The following ZNF418 variants were observed in gnomAD, a reference collection of about 807,000 sequenced individuals.
The protein encoded by ZNF418 is zinc finger protein 418.
In ZNF418, 32 loss-of-function variants were observed where a neutral mutation model predicts 32.0. The ratio of observed to expected loss-of-function variants is 1.00; its 90% CI spans 0.75 to 1.34. ZNF418 has a LOEUF of 1.34. Ranked by LOEUF, ZNF418 falls within the 40% of genes most tolerant of loss-of-function variation. ZNF418 has a pLI of 0.00. For synonymous variants in ZNF418, 276 were observed against 270.7 expected (o/e 1.02, Z -0.19); for missense variants, 804 against 812.5 (o/e 0.99, Z 0.13).
chr19:57,925,193 GC>G (rs2072159901), intron 4 of ZNF418, among the ~76,000 whole-genome samples: 1 of 152,176 alleles, frequency 6.6e-6, no homozygotes, highest in Admixed American at 6.5e-5. Context: ...GGGTGCGGTG[GC>G]TCACGCCTGT....
intron 2 of ZNF418, among the ~76,000 whole-genome samples, chr19:57,933,468 A>G (rs141514417): frequency 3.1e-3 from 465 of 152,330 alleles, no homozygotes; most frequent in African/African-American, 0.011. Context: ...CATGCCTGTA[A>G]TCCCAGCACT....
chr19:57,930,406 G>A (rs1281791117), intron 3 of ZNF418, 22 bp downstream of exon 3: 2 of 1,613,934 alleles, frequency 1.2e-6, no homozygotes, highest in Non-Finnish European at 8.5e-7. Context: ...TCAGGAAATA[G>A]GGTAGGGTGT....
chr19:57,931,360 C>G (rs1269242839), intron 2 of ZNF418, among the ~76,000 whole-genome samples: 1 of 152,050 alleles, frequency 6.6e-6, no homozygotes, highest in Non-Finnish European at 1.5e-5. Context: ...CACCACCACA[C>G]CTGGCTAATT....
chr19:57,922,953 T>A (rs1244970422), intron 5 of ZNF418, among the ~76,000 whole-genome samples: 1 of 148,930 alleles, frequency 6.7e-6, no homozygotes, highest in Non-Finnish European at 1.5e-5. Context: ...TGAATTGTGA[T>A]TGTGTCACTG....
chr19:57,933,620 T>C (rs1600187084), intron 2 of ZNF418, among the ~76,000 whole-genome samples, 197 bp downstream of exon 2: 1 of 151,896 alleles, frequency 6.6e-6, no homozygotes, highest in African/African-American at 2.4e-5. Flanking sequence ...ACTCGGGAGG[T>C]TGAGGCAGGA....
At position 57,930,439 on chromosome 19, in the gene ZNF418, A is replaced by AT. The variant is rs758537274; in HGVS notation, c.121dup (p.Ile41AsnfsTer13). 1 of 1,614,120 alleles carries AT rather than the reference A, an allele frequency of 6.2e-7. No individual in the cohort carries two copies. The highest frequency in any genetic ancestry group is 8.5e-7 in the Non-Finnish European group (1 of 1,180,004). On this transcript the variant is annotated frameshift_variant, in exon 3 of 6. Transcript: ENST00000396147. LOFTEE classifies it high-confidence loss of function. Reference sequence around the variant, plus strand: ...TGTGAGGAACTTACCCAGGGAGGATATAAGTACCCAGTTCTCCAGCATCAC... The same window carrying AT: ...TGTGAGGAACTTACCCAGGGAGGATATTAAGTACCCAGTTCTCCAGCATCAC...
chr19:57,926,605 GGAGGGAACAGCTTT>G lies in ZNF418; in HGVS notation c.1562_1575del (p.Gln521ProfsTer14), dbSNP rs1443790440. On this transcript the variant is annotated frameshift_variant, in exon 4 of 6. Transcript: ENST00000396147. LOFTEE classifies it low-confidence loss of function (END_TRUNC). ...CCAGTATGAACTCTCCGATGTCGAA[GGAGGGAACAGCTTT>G]GAGGAAATGACTTCCCACATTCACT... is the stretch of plus-strand genomic sequence containing the variant. 8 of 1,613,644 alleles carry G rather than the reference GGAGGGAACAGCTTT, an allele frequency of 5.0e-6. No homozygotes were observed. Among genetic ancestry groups the G allele is most frequent in the Non-Finnish European group, 6.8e-6 (8 of 1,179,904 alleles).
chr19:57,926,235 C>T lies in ZNF418; in HGVS notation c.1946G>A (p.Cys649Tyr), dbSNP rs770460682. The T allele has an allele frequency of 3.7e-6, 6 of 1,614,182 alleles. No individual in the cohort carries two copies. Among genetic ancestry groups the T allele is most frequent in the Non-Finnish European group, 4.2e-6 (5 of 1,180,008 alleles). Residue 649 changes from cysteine (C) to tyrosine (Y), a missense_variant, in exon 4 of 6, where the codon TGC becomes TAC. By Grantham distance (194) the Cys-to-Tyr change is radical. Around this residue, in one of 3 missense-constraint regions of ZNF418, gnomAD observed 475 missense variants for 458.6 expected, o/e 1.04. Coordinates refer to ENST00000396147, the MANE Select transcript of ZNF418 (RefSeq NM_133460.3). ...ATGAAATGATTTTCCACATTCACTG[C>T]ACTCATAAGGCCTTTCTCCAGTGTG... Reference protein sequence around the residue: ...RVHTGERPYECSECGKSFHRS... With the variant: ...RVHTGERPYEYSECGKSFHRS...
chr19:57,934,307 C>T (rs552005746), intron 1 of ZNF418: 14 of 739,036 alleles, frequency 1.9e-5, no homozygotes, highest in African/African-American at 7.6e-5. Context: ...CTCTGCCTCC[C>T]GAGTTCAAGC....
At chr19:57,934,667 G>A (rs976803994) in intron 1 of ZNF418, 1 of 178,474 alleles carries the variant, frequency 5.6e-6, no homozygotes, top group Admixed American at 6.2e-5. Context: ...GCGTGTCTCA[G>A]TGCAAAATGT....
chr19:57,932,719 T>C, intron 2 of ZNF418: 1 of 1,079,636 alleles, frequency 9.3e-7, no homozygotes, highest in East Asian at 3.2e-5. Context: ...CCAGGCCCAA[T>C]GTCTGTCACA....
At position 57,926,467 on chromosome 19, in the gene ZNF418, C is replaced by T. The variant is rs1337898590; in HGVS notation, c.1714G>A (p.Gly572Arg). The T allele has an allele frequency of 1.2e-6, 2 of 1,611,966 alleles. No individual in the cohort carries two copies. The highest frequency in any genetic ancestry group is 1.3e-5 in the African/African-American group (1 of 74,216). The change falls in exon 4 of 6, where the codon GGG (glycine) becomes AGG (arginine). Residue 572 changes from glycine (G) to arginine (R), a missense_variant. Around this residue, in one of 3 missense-constraint regions of ZNF418, gnomAD observed 475 missense variants for 458.6 expected, o/e 1.04. Transcript: ENST00000396147. ...AERPYECREC[G>R]KFFSSLLEHR... Reference sequence around the variant, plus strand: ...TCAAGGAGACTGGAGAAGAATTTCCCACATTCTCTGCACTCATAAGGTCTT... The same window carrying T: ...TCAAGGAGACTGGAGAAGAATTTCCTACATTCTCTGCACTCATAAGGTCTT...
intron 2 of ZNF418, chr19:57,932,791 C>T: frequency 6.9e-6 from 3 of 436,582 alleles, no homozygotes; most frequent in Admixed American, 8.4e-5. Flanking sequence ...CAAGCACCAA[C>T]AAAGTTTTCT....
At chr19:57,930,985 C>G (rs2072461814) in intron 2 of ZNF418, among the ~76,000 whole-genome samples, 1 of 150,982 alleles carries the variant, frequency 6.6e-6, no homozygotes, top group Non-Finnish European at 1.5e-5. Flanking sequence ...CCATCTTGGC[C>G]AGGCTGGTCT....
At position 57,930,567 on chromosome 19, in the gene ZNF418, T is replaced by C. The variant is rs138951293; in HGVS notation, c.7-13A>G. 7.6e-5 allele frequency: 123 copies of C among 1,613,752 alleles called. No individual in the cohort carries two copies. In the African/African-American group the frequency reaches 1.4e-3, roughly 19 times the overall value. On this transcript the variant is annotated splice_polypyrimidine_tract_variant and intron_variant, in intron 2 of 5. Transcript: ENST00000396147. ...ATGCCACAGTGCCCTGCTATGATGGTGACAGATGAAACCACAAACAGCTCC... is the reference window on the plus strand; with the variant it reads ...ATGCCACAGTGCCCTGCTATGATGGCGACAGATGAAACCACAAACAGCTCC...
In ZNF418 at chr19:57,926,595, C is replaced by T. The variant is rs200332982; in HGVS notation, c.1586G>A (p.Arg529Gln). 44 of 1,613,308 alleles carry T rather than the reference C, an allele frequency of 2.7e-5. No homozygotes were observed. In the African/African-American group the frequency reaches 3.5e-4, roughly 13 times the overall value. Residue 529 changes from arginine to glutamine, a missense_variant, in exon 4 of 6, where the codon CGG becomes CAG. By Grantham distance (43) the Arg-to-Gln change is conservative. Coordinates refer to ENST00000396147, the MANE Select transcript of ZNF418 (RefSeq NM_133460.3). ...FPQSCSLLRH[R>Q]RVHTGERPYE... ...AGGCCTTTCTCCAGTATGAACTCTC[C>T]GATGTCGAAGGAGGGAACAGCTTTG... is the stretch of plus-strand genomic sequence containing the variant.
chr19:57,929,483 C>G (rs1417307812), intron 3 of ZNF418, among the ~76,000 whole-genome samples: 1 of 152,200 alleles, frequency 6.6e-6, no homozygotes, highest in Non-Finnish European at 1.5e-5. Flanking sequence ...ACTGGGGCAA[C>G]TAGCCTCTGT....
chr19:57,924,235 A>G (rs1023013498), intron 4 of ZNF418, among the ~76,000 whole-genome samples: 1 of 152,178 alleles, frequency 6.6e-6, no homozygotes, highest in African/African-American at 2.4e-5. Flanking sequence ...AAGTGCAGCA[A>G]TGAGTCTCTG....
chr19:57,933,977 A>C, intron 1 of ZNF418, 75 bp from the exon 2 acceptor site: 1 of 1,582,780 alleles, frequency 6.3e-7, no homozygotes, highest in Admixed American at 1.7e-5. Context: ...TTTACCTCTA[A>C]GCATTTCATG....
Sources: allele counts gnomAD v4.1 joint callset (sites outside exome capture counted in the v4.1 genomes callset), GRCh38; gene constraint gnomAD v4.1.1; regional missense constraint gnomAD v4.1.1; transcripts MANE v1.5; gene names NCBI Gene and HGNC (gene_info 2026-07-23, HGNC 2026-07-21).